GIT2: variants seen among roughly 807,000 people sequenced by gnomAD.
GIT2 encodes the protein ARF GTPase-activating protein GIT2.
Under a neutral mutation model 100.3 loss-of-function variants are expected in GIT2, and 32 were observed. The observed-to-expected ratio is 0.32, with a 90% CI of 0.24 to 0.43. GIT2 has a LOEUF of 0.43. Ranked by LOEUF, GIT2 falls within the 20% of genes least tolerant of loss-of-function variation. The pLI, the probability that GIT2 is intolerant of heterozygous loss-of-function variation, is 1.00. For missense variants in GIT2, 737 were observed against 975.1 expected (o/e 0.76, Z 3.25); for synonymous variants, 353 against 364.1 (o/e 0.97, Z 0.35).
At chr12:109,967,205 T>C in intron 8 of GIT2, 1 of 719,256 alleles carries the variant, frequency 1.4e-6, no homozygotes, top group Non-Finnish European at 2.4e-6. Context: ...TACAAAATAC[T>C]GTCACAACTG....
intron 10 of GIT2, 98 bp downstream of exon 10, chr12:109,961,515 C>G: frequency 1.1e-6 from 1 of 945,220 alleles, no homozygotes; most frequent in Non-Finnish European, 1.7e-6. Context: ...CTCGCACCAT[C>G]AGGACAGCAG....
chr12:109,938,902 G>C (rs1873804348), intron 17 of GIT2: 1 of 487,822 alleles, frequency 2.0e-6, no homozygotes, highest in Non-Finnish European at 3.6e-6. Context: ...TTGTCTTCAT[G>C]ATGAAGTGGG....
rs1219405210 is a variant in GIT2, at chr12:109,947,098, G to A, written c.1641+158C>T. On this transcript the variant is annotated intron_variant, in intron 15 of 19. Coordinates refer to ENST00000355312, the MANE Select transcript of GIT2 (RefSeq NM_057169.5). This position sits in a 1 kb window ranked among gnomAD's most constrained non-coding sequence, Gnocchi z 4.3. ...GGCCCTGTGTGCTTGTGGGAATATCGCAAGCATCTGTGGACATGTTAATAC... is the reference window on the plus strand; with the variant it reads ...GGCCCTGTGTGCTTGTGGGAATATCACAAGCATCTGTGGACATGTTAATAC... Among the ~76,000 whole-genome samples the A allele has an allele frequency of 1.3e-5, 2 of 152,130 alleles. No homozygotes were observed. Among genetic ancestry groups the A allele is most frequent in the South Asian group, 2.1e-4 (1 of 4,826 alleles).
At chr12:109,973,432 C>T (rs1402352277) in intron 7 of GIT2, among the ~76,000 whole-genome samples, 1 of 152,024 alleles carries the variant, frequency 6.6e-6, no homozygotes, top group South Asian at 2.1e-4. Flanking sequence ...TGAGCCATCG[C>T]GCCCGGTCTG....
At chr12:109,965,698 A>C in intron 8 of GIT2, 121 bp from the exon 9 acceptor site, 2 of 791,350 alleles carry the variant, frequency 2.5e-6, no homozygotes, top group Non-Finnish European at 4.6e-6. Flanking sequence ...GTTAGAACCA[A>C]GCATTCTACA....
chr12:109,957,214 T>C (rs1234876937), intron 12 of GIT2, among the ~76,000 whole-genome samples: 1 of 151,992 alleles, frequency 6.6e-6, no homozygotes, highest in Non-Finnish European at 1.5e-5. Flanking sequence ...TTGTAGTGAG[T>C]TCTCGCTCTA....
chr12:109,991,761 C>A lies in GIT2; in HGVS notation c.53-1G>T, dbSNP rs1593166211. On this transcript the variant is annotated splice_acceptor_variant, in intron 1 of 19. Coordinates refer to ENST00000355312, the MANE Select transcript of GIT2 (RefSeq NM_057169.5). LOFTEE classifies it high-confidence loss of function. ...CTATTTACTGATGCCCAGGAAGGAT[C>A]TGGAAAGAGAGTGAAATCTCAGTGG... 1.9e-6 allele frequency: 3 copies of A among 1,611,066 alleles called. No homozygotes were observed. Among genetic ancestry groups the A allele is most frequent in the Admixed American group, 1.7e-5 (1 of 59,658 alleles).
chr12:109,993,776 C>G (rs1225060011), intron 1 of GIT2, among the ~76,000 whole-genome samples: 1 of 151,712 alleles, frequency 6.6e-6, no homozygotes, highest in Non-Finnish European at 1.5e-5. Context: ...TTTCATGTGA[C>G]CACTCTACTA....
intron 7 of GIT2, among the ~76,000 whole-genome samples, chr12:109,978,202 C>A (rs1885552442): frequency 6.6e-6 from 1 of 150,816 alleles, no homozygotes; most frequent in East Asian, 2.0e-4. Context: ...TGTGCCTCAG[C>A]TACCTGAGTA....
intron 16 of GIT2, chr12:109,942,881 A>C (rs571891413): frequency 1.2e-4 from 18 of 152,362 alleles, no homozygotes; most frequent in African/African-American, 4.3e-4. Flanking sequence ...ACAAAAGCAT[A>C]TGTACAGAAT....
chr12:109,945,405 C>T (rs1876057389), intron 15 of GIT2, 56 bp from the exon 16 acceptor site: 1 of 839,468 alleles, frequency 1.2e-6, no homozygotes, highest in Non-Finnish European at 2.0e-6. Context: ...CAAAAACCTA[C>T]CACCTTGCCA....
chr12:109,986,472 A>G (rs1490978900), intron 4 of GIT2, among the ~76,000 whole-genome samples: 2 of 152,178 alleles, frequency 1.3e-5, no homozygotes, highest in Non-Finnish European at 2.9e-5. Flanking sequence ...TCTACTAAAG[A>G]TACAAAAAAT....
At position 109,953,100 on chromosome 12, in the gene GIT2, G is replaced by A. The variant is rs143551429; in HGVS notation, c.1234C>T (p.Arg412Trp). The change falls in exon 13 of 20, where the codon CGG becomes TGG. Residue 412 changes from arginine (R) to tryptophan (W), a missense_variant. By Grantham distance (101) the Arg-to-Trp change is moderately radical (BLOSUM62 -3). This residue lies in a region of GIT2 where 451 missense variants were observed against 543.7 expected (regional missense o/e 0.83). Transcript: ENST00000355312. Reference sequence around the variant, plus strand: ...GACGCATGGCCTCTCACCTTCTGCCGGTTTGTTTTGCTTGCAGTGGTTTCC... The same window carrying A: ...GACGCATGGCCTCTCACCTTCTGCCAGTTTGTTTTGCTTGCAGTGGTTTCC... Reference protein sequence around the residue: ...DLETTASKTNRQKSLDSDLSD... With the variant: ...DLETTASKTNWQKSLDSDLSD... The A allele has an allele frequency of 1.1e-3, 1,856 of 1,614,062 alleles. 1 individual carries two copies. Among genetic ancestry groups the A allele is most frequent in the Non-Finnish European group, 1.5e-3 (1,729 of 1,179,944 alleles).
At chr12:109,946,904 GAAC>G (rs1442615667) in intron 15 of GIT2, among the ~76,000 whole-genome samples, 2 of 152,130 alleles carry the variant, frequency 1.3e-5, no homozygotes, top group Non-Finnish European at 2.9e-5. Context: ...TTCTGAGAGT[GAAC>G]TTTATGATTT....
chr12:109,944,864 C>T (rs1875845314), intron 16 of GIT2, among the ~76,000 whole-genome samples: 1 of 151,228 alleles, frequency 6.6e-6, no homozygotes, highest in African/African-American at 2.4e-5. Context: ...AGTACTTCAG[C>T]GAGTCCACAT....
Position 109,947,257 on chromosome 12 carries a change from T to C in GIT2, c.1640A>G (p.His547Arg). The part of the protein sequence containing the change: ...SRMRLQPFPA[H>R]IGRSALVTSS... ...AGAAGCGCCAGTGGTGTTACTTACG[T>C]GCGCGGGGAAGGGCTGGAGTCTCAT... Residue 547 changes from histidine (H) to arginine (R), a missense_variant and splice_region_variant, in exon 15 of 20, where the codon CAC (histidine) becomes CGC (arginine). Around this residue, in one of 3 missense-constraint regions of GIT2, gnomAD observed 451 missense variants for 543.7 expected, o/e 0.83. Transcript: ENST00000355312. This position sits in a 1 kb window ranked among gnomAD's most constrained non-coding sequence, Gnocchi z 4.3. 2 of 1,612,296 alleles carry C rather than the reference T, an allele frequency of 1.2e-6. No individual in the cohort carries two copies. The highest frequency in any genetic ancestry group is 8.5e-7 in the Non-Finnish European group (1 of 1,178,738).
chr12:109,996,372 A>C (rs28364569), upstream of GIT2: 1,449 of 562,080 alleles, frequency 2.6e-3, 31 homozygotes, highest in East Asian at 0.044. Context: ...TTGGCACAGC[A>C]CGCACGCGCG....
chr12:109,996,397 G>C, upstream of GIT2: 1 of 540,972 alleles, frequency 1.8e-6, no homozygotes, highest in South Asian at 2.3e-5. Context: ...GGTGCCCTTC[G>C]GCGAGTGTCA....
At position 109,961,670 on chromosome 12, in the gene GIT2, A is replaced by G; in HGVS notation, c.832T>C (p.Phe278Leu). The G allele has an allele frequency of 6.3e-7, 1 of 1,590,544 alleles. No individual in the cohort carries two copies. The change falls in exon 10 of 20, where the codon TTT becomes CTT. Residue 278 changes from phenylalanine (F) to leucine (L), a missense_variant. This residue lies in a region of GIT2 where 266 missense variants were observed against 376.2 expected (regional missense o/e 0.71). Transcript: ENST00000355312. Reference sequence around the variant, plus strand: ...TACACATCCATGGCAAGTTCTTCAAACAAATGATTACTTAGCTGAAAATAA... The same window carrying G: ...TACACATCCATGGCAAGTTCTTCAAGCAAATGATTACTTAGCTGAAAATAA... ...KKLQSLSNHL[F>L]EELAMDVYDE...
Sources: gnomAD v4.1 joint callset for allele counts (sites outside exome capture counted in the v4.1 genomes callset) on GRCh38, gnomAD v4.1.1 for gene constraint, gnomAD v4.1.1 regional missense constraint, Gnocchi (gnomAD v3.1) non-coding constraint, MANE v1.5 for transcripts, NCBI Gene and HGNC (gene_info 2026-07-23, HGNC 2026-07-21) for gene names.